Variants in LIPA observed in about 807,000 individuals in gnomAD.
The protein encoded by LIPA is lysosomal acid lipase/cholesteryl ester hydrolase.
In LIPA, 26 loss-of-function variants were observed where a neutral mutation model predicts 40.6. The ratio of observed to expected loss-of-function variants is 0.64; its 90% CI spans 0.47 to 0.89. The LOEUF (loss-of-function observed/expected upper bound fraction) is 0.89. Among genes scored for constraint, LIPA ranks in the 40% least tolerant of loss-of-function variants. LIPA has a pLI of 0.00. For missense variants in LIPA, 455 were observed against 479.6 expected (o/e 0.95, Z 0.48); for synonymous variants, 188 against 168.4 (o/e 1.12, Z -0.90).
chr10:89,268,430 A>G (rs1005457168), intron 1 of LIPA, among the ~76,000 whole-genome samples: 1 of 152,338 alleles, frequency 6.6e-6, no homozygotes, highest in African/African-American at 2.4e-5. Context: ...AATTTTTTTT[A>G]TAAATCCAAT....
intron 2 of LIPA, among the ~76,000 whole-genome samples, chr10:89,381,190 A>T (rs1361426552): frequency 6.6e-6 from 1 of 152,198 alleles, no homozygotes; most frequent in Admixed American, 6.5e-5. Flanking sequence ...ATATTCCAGC[A>T]GCTCTAGAGT....
At chr10:89,318,214 C>A (rs1199608980) in intron 1 of LIPA, among the ~76,000 whole-genome samples, 1 of 152,100 alleles carries the variant, frequency 6.6e-6, no homozygotes, top group Non-Finnish European at 1.5e-5. Context: ...TCACACATAA[C>A]AATATTAACC....
intron 1 of LIPA, among the ~76,000 whole-genome samples, chr10:89,320,660 T>C (rs2133532212): frequency 1.3e-5 from 2 of 152,308 alleles, no homozygotes; most frequent in South Asian, 4.1e-4. Flanking sequence ...AATTTATAGA[T>C]TCATGCCATC....
intron 2 of LIPA, among the ~76,000 whole-genome samples, chr10:89,408,226 C>A (rs1040148760): frequency 6.6e-6 from 1 of 152,004 alleles, no homozygotes; most frequent in Non-Finnish European, 1.5e-5. Context: ...TGGCCTGGCC[C>A]CAATATTCTC....
intron 1 of LIPA, among the ~76,000 whole-genome samples, chr10:89,334,960 G>T (rs1453198213): frequency 6.6e-6 from 1 of 152,110 alleles, no homozygotes; most frequent in African/African-American, 2.4e-5. Context: ...AGGAAACCTT[G>T]GCAATTGGAG....
intron 1 of LIPA, among the ~76,000 whole-genome samples, chr10:89,336,449 A>G (rs1843741776): frequency 6.6e-6 from 1 of 152,206 alleles, no homozygotes; most frequent in South Asian, 2.1e-4. Context: ...TTCATGTGCA[A>G]TCATATTGGG....
intron 1 of LIPA, among the ~76,000 whole-genome samples, chr10:89,297,563 C>A (rs944490745): frequency 1.3e-5 from 2 of 152,296 alleles, no homozygotes; most frequent in East Asian, 3.9e-4. Flanking sequence ...GAGTACTACT[C>A]CCCAGGGAAA....
At chr10:89,288,728 T>C (rs1169616475) in intron 1 of LIPA, among the ~76,000 whole-genome samples, 1 of 152,142 alleles carries the variant, frequency 6.6e-6, no homozygotes, top group Non-Finnish European at 1.5e-5. Flanking sequence ...ACACCTATCA[T>C]TGAGGCTACC....
chr10:89,220,476 A>G (rs1464568963), intron 8 of LIPA, among the ~76,000 whole-genome samples: 1 of 152,180 alleles, frequency 6.6e-6, no homozygotes, highest in African/African-American at 2.4e-5. Context: ...CCAAGGAGAA[A>G]AGCAGAGACC....
chr10:89,360,137 C>T (rs1844013617), intron 2 of LIPA, among the ~76,000 whole-genome samples: 1 of 152,180 alleles, frequency 6.6e-6, no homozygotes, highest in Admixed American at 6.5e-5. Context: ...TGAGAATGAA[C>T]TATCTTACTG....
chr10:89,285,786 C>T (rs534366792), intron 1 of LIPA, among the ~76,000 whole-genome samples: 2 of 152,048 alleles, frequency 1.3e-5, no homozygotes, highest in African/African-American at 4.8e-5. Flanking sequence ...TCTCTTTTCT[C>T]TCCACTTCCC....
intron 2 of LIPA, chr10:89,404,557 A>G (rs1027546850): frequency 6.6e-6 from 1 of 152,160 alleles, no homozygotes; most frequent in East Asian, 1.9e-4. Flanking sequence ...CCTGTTAACT[A>G]TGTGTGTCTA....
In LIPA at chr10:89,214,854, T is replaced by C. The variant is rs1842600415; in HGVS notation, c.1174A>G (p.Ile392Val). The change falls in exon 10 of 10, where the codon ATT becomes GTT. Residue 392 changes from isoleucine (I) to valine (V), a missense_variant. Physicochemically the swap from Ile to Val is conservative, Grantham distance 29. Coordinates refer to ENST00000336233, the MANE Select transcript of LIPA (RefSeq NM_000235.4). ...DAPWRLYNKI[I>V]NLMRKYQ ...CACTGATATTTCCTCATTAGATTAA[T>C]AATTTTATTATAAAGCCTCCAAGGG... is the stretch of plus-strand genomic sequence containing the variant. 6.2e-7 allele frequency: 1 copy of C among 1,606,454 alleles called. No individual in the cohort carries two copies.
intron 3 of LIPA, among the ~76,000 whole-genome samples, chr10:89,236,379 C>T (rs1483831235): frequency 6.6e-6 from 1 of 150,556 alleles, no homozygotes; most frequent in Admixed American, 6.6e-5. Context: ...CACTAATCAT[C>T]TCCACGTAAG....
At chr10:89,387,188 C>A (rs933782781) in intron 2 of LIPA, among the ~76,000 whole-genome samples, 1 of 151,678 alleles carries the variant, frequency 6.6e-6, no homozygotes, top group Non-Finnish European at 1.5e-5. Context: ...TGGTGGCGGG[C>A]GCCTATAGTC....
chr10:89,326,681 G>A (rs1166218721), intron 1 of LIPA, among the ~76,000 whole-genome samples: 4 of 152,040 alleles, frequency 2.6e-5, no homozygotes, highest in Admixed American at 2.0e-4. Context: ...AATATCTCAT[G>A]TACCCCATAA....
At chr10:89,294,350 C>T (rs1285855670) in intron 1 of LIPA, among the ~76,000 whole-genome samples, 1 of 152,152 alleles carries the variant, frequency 6.6e-6, no homozygotes, top group African/African-American at 2.4e-5. Flanking sequence ...TTTATGGACA[C>T]ATGGTTCTGG....
chr10:89,337,863 GC>G (rs1228224850), intron 1 of LIPA, among the ~76,000 whole-genome samples: 1 of 152,204 alleles, frequency 6.6e-6, no homozygotes, highest in Non-Finnish European at 1.5e-5. Flanking sequence ...AATGTAGGAA[GC>G]AACTTACAAT....
chr10:89,249,603 A>C (rs1843086179), intron 1 of LIPA, among the ~76,000 whole-genome samples: 1 of 152,170 alleles, frequency 6.6e-6, no homozygotes, highest in Non-Finnish European at 1.5e-5. Flanking sequence ...TCTCAAAATA[A>C]TTATGCCAAA....
Sources: gnomAD v4.1 joint callset for allele counts (sites outside exome capture counted in the v4.1 genomes callset) on GRCh38, gnomAD v4.1.1 for gene constraint, MANE v1.5 for transcripts, NCBI Gene and HGNC (gene_info 2026-07-23, HGNC 2026-07-21) for gene names.